The following MYOCD variants were observed in gnomAD, a reference collection of about 807,000 sequenced individuals.
MYOCD encodes the protein myocardin.
In MYOCD, 32 loss-of-function variants were observed where a neutral mutation model predicts 96.1. The observed-to-expected ratio is 0.33, with a 90% CI of 0.25 to 0.45. The LOEUF (loss-of-function observed/expected upper bound fraction) is 0.45. Among genes scored for constraint, MYOCD ranks in the 20% least tolerant of loss-of-function variants. The pLI, the probability that MYOCD is intolerant of heterozygous loss-of-function variation, is 1.00. For synonymous variants in MYOCD, 469 were observed against 469.0 expected (o/e 1.00, Z 0.00); for missense variants, 1,133 against 1,200.6 (o/e 0.94, Z 0.83).
At chr17:12,758,056 A>T (rs370797808) in intron 11 of MYOCD, 29 bp from the exon 12 acceptor site, 47 of 1,481,588 alleles carry the variant, frequency 3.2e-5, no homozygotes, top group Admixed American at 1.7e-4. Flanking sequence ...CATGAATTCA[A>T]TGCCTTTCTT....
intron 7 of MYOCD, among the ~76,000 whole-genome samples, chr17:12,740,398 A>G (rs1003346673): frequency 6.6e-6 from 1 of 152,130 alleles, no homozygotes; most frequent in African/African-American, 2.4e-5. Context: ...CTTAGTTCCC[A>G]CTTATAAGTG....
At position 12,709,801 on chromosome 17, in the gene MYOCD, C is replaced by T. The variant is rs573247269; in HGVS notation, c.121+4608C>T. Among the ~76,000 whole-genome samples the T allele has an allele frequency of 1.8e-4, 28 of 152,272 alleles. No individual in the cohort carries two copies. The East Asian group carries it at 5.0e-3, about 27-fold the overall frequency. On this transcript the variant is annotated intron_variant, in intron 2 of 13. Transcript: ENST00000425538. ...TTAGGACAGAGAGTCCACCTCCTTC[C>T]CTAGACCTATTGGGCCTGTTCATCA...
chr17:12,699,727 G>C (rs950082582), intron 1 of MYOCD, among the ~76,000 whole-genome samples: 1 of 152,010 alleles, frequency 6.6e-6, no homozygotes, highest in Non-Finnish European at 1.5e-5. Context: ...GCTTAAATTT[G>C]GAAGCCTTGG....
chr17:12,732,969 T>A (rs1597790347), intron 5 of MYOCD, among the ~76,000 whole-genome samples: 2 of 152,288 alleles, frequency 1.3e-5, no homozygotes, highest in Admixed American at 1.3e-4. Context: ...ATCTCAAAAA[T>A]TCAGCTATTT....
At chr17:12,694,881 CAAAAAAAAAAAAA>C (rs201215491) in intron 1 of MYOCD, among the ~76,000 whole-genome samples, 1 of 69,632 alleles carries the variant, frequency 1.4e-5, no homozygotes, top group Non-Finnish European at 2.9e-5. Flanking sequence ...AAGGAATAAC[CAAAAAAAAAAAAA>C]AAAAAAAAAG....
In MYOCD at chr17:12,763,357, G is replaced by T. The variant is rs2033241774; in HGVS notation, c.2674G>T (p.Gly892Trp). Residue 892 changes from glycine (G) to tryptophan (W), a missense_variant, in exon 14 of 14, where the codon GGG becomes TGG. Gly to Trp is a radical substitution (Grantham distance 184). Coordinates refer to ENST00000425538, the MANE Select transcript of MYOCD (RefSeq NM_001146312.3). ...HFDGIMDGFS[G>W]KAAEDLFNAH... ...TGATGGGATAATGGATGGATTCTCT[G>T]GGAAGGCTGCAGAAGACCTCTTCAA... The T allele has an allele frequency of 6.3e-7, 1 of 1,598,880 alleles. No homozygotes were observed.
Position 12,736,343 on chromosome 17 carries a change from A to G in MYOCD, c.591+7A>G, listed in dbSNP as rs1238560860. 3.1e-6 allele frequency: 5 copies of G among 1,610,402 alleles called. No individual in the cohort carries two copies. The highest frequency in any genetic ancestry group is 4.2e-6 in the Non-Finnish European group (5 of 1,178,008). ...TTCTCTGGGGACAAACCAGGTAAAA[A>G]ACAAAACAAACAAACGAAAAAAGTA... On this transcript the variant is annotated splice_region_variant and intron_variant, in intron 6 of 13. Coordinates refer to ENST00000425538, the MANE Select transcript of MYOCD (RefSeq NM_001146312.3).
At chr17:12,722,339 A>C (rs185295042) in intron 4 of MYOCD, among the ~76,000 whole-genome samples, 1 of 152,328 alleles carries the variant, frequency 6.6e-6, no homozygotes, top group East Asian at 1.9e-4. Flanking sequence ...CTGTTTAATT[A>C]AATAACTGTT....
In MYOCD at chr17:12,680,588, T is replaced by A. The variant is rs182023125; in HGVS notation, c.55+14345T>A. ...GGCAGGTCCTTTTCCCGGAGGCCCCTCCCACCGGCCCCGGGCGTGTGTGCG... is the reference window on the plus strand; with the variant it reads ...GGCAGGTCCTTTTCCCGGAGGCCCCACCCACCGGCCCCGGGCGTGTGTGCG... On this transcript the variant is annotated intron_variant, in intron 1 of 13. Transcript: ENST00000425538. Among the ~76,000 whole-genome samples the A allele has an allele frequency of 5.5e-3, 844 of 152,192 alleles. 8 individuals carry two copies. Among genetic ancestry groups the A allele is most frequent in the African/African-American group, 0.019 (789 of 41,530 alleles).
chr17:12,723,196 T>C, intron 5 of MYOCD, among the ~76,000 whole-genome samples, 188 bp downstream of exon 5: 1 of 152,174 alleles, frequency 6.6e-6, no homozygotes, highest in Non-Finnish European at 1.5e-5. Context: ...CCCATTCTTG[T>C]ACACCCCAAG....
chr17:12,758,385 T>A, intron 12 of MYOCD, 172 bp downstream of exon 12: 1 of 1,003,532 alleles, frequency 1.0e-6, no homozygotes, highest in Non-Finnish European at 1.4e-6. Context: ...GTGTTGCATG[T>A]GTAGCTGTGT....
chr17:12,689,661 G>A (rs58501515), intron 1 of MYOCD, among the ~76,000 whole-genome samples: 2,404 of 152,066 alleles, frequency 0.016, 64 homozygotes, highest in African/African-American at 0.052. Context: ...GTGAAACCCC[G>A]TCTCTACTAA....
chr17:12,757,557 C>T (rs55779990), intron 11 of MYOCD, among the ~76,000 whole-genome samples: 36,844 of 151,970 alleles, frequency 0.24, 5,513 homozygotes, highest in East Asian at 0.39. Flanking sequence ...AGTGCAGTGG[C>T]GCGATCTCGG....
chr17:12,694,881 C>CAAAA (rs201215491), intron 1 of MYOCD, among the ~76,000 whole-genome samples: 48 of 69,600 alleles, frequency 6.9e-4, no homozygotes, highest in African/African-American at 1.0e-3. Context: ...AAGGAATAAC[C>CAAAA]AAAAAAAAAA....
chr17:12,721,063 A>AT (rs1386948066), intron 4 of MYOCD, among the ~76,000 whole-genome samples: 1 of 147,034 alleles, frequency 6.8e-6, no homozygotes, highest in African/African-American at 2.5e-5. Flanking sequence ...CTAAGTAGGG[A>AT]TTTTCCTGAA....
intron 10 of MYOCD, among the ~76,000 whole-genome samples, chr17:12,754,166 G>A (rs542113787): frequency 6.6e-5 from 10 of 152,134 alleles, no homozygotes; most frequent in South Asian, 2.1e-4. Flanking sequence ...GTGCAGTGGC[G>A]TGATCTTGGC....
rs747188885 is a variant in MYOCD at position 12,753,036 on chromosome 17, C to T, written c.1748C>T (p.Ser583Phe). The change falls in exon 10 of 14, where the codon TCC becomes TTC. Residue 583 changes from serine to phenylalanine, a missense_variant. Physicochemically the swap from Ser to Phe is radical, Grantham distance 155 (BLOSUM62 -2). Coordinates refer to ENST00000425538, the MANE Select transcript of MYOCD (RefSeq NM_001146312.3). ...EEAVSSCPFA[S>F]QVPVKRQSSS... Reference sequence around the variant, plus strand: ...GCTGTCTCCAGCTGTCCTTTTGCATCCCAAGTACCTGTGAAAAGACAAAGC... The same window carrying T: ...GCTGTCTCCAGCTGTCCTTTTGCATTCCAAGTACCTGTGAAAAGACAAAGC... 1.1e-5 allele frequency: 18 copies of T among 1,614,054 alleles called. No homozygotes were observed. The East Asian group carries it at 3.6e-4, about 32-fold the overall frequency.
At chr17:12,715,225 C>T (rs893036785) in intron 2 of MYOCD, among the ~76,000 whole-genome samples, 1 of 152,284 alleles carries the variant, frequency 6.6e-6, no homozygotes, top group Non-Finnish European at 1.5e-5. Flanking sequence ...CAGTTTTCCA[C>T]CACCCCTTCT....
In MYOCD at chr17:12,704,994, A is replaced by T; in HGVS notation, c.56-134A>T. ...CTTCTTCCACTGTGTCTACAACAGA[A>T]ATTAAAATGTACTTCAAATAATTTA... On this transcript the variant is annotated intron_variant, in intron 1 of 13. Transcript: ENST00000425538. 6 of 651,424 alleles carry T rather than the reference A, an allele frequency of 9.2e-6. No individual in the cohort carries two copies. The South Asian group carries it at 1.2e-4, about 13-fold the overall frequency. The allele number at this position is 651,424 out of a possible 1,614,324, so 40.4% of individuals were successfully genotyped here.
Sources: gnomAD v4.1 joint callset for allele counts (sites outside exome capture counted in the v4.1 genomes callset) on GRCh38, gnomAD v4.1.1 for gene constraint, MANE v1.5 for transcripts, NCBI Gene and HGNC (gene_info 2026-07-23, HGNC 2026-07-21) for gene names.